Variants in RABGAP1L observed in about 807,000 individuals in gnomAD.
RABGAP1L encodes the protein rab GTPase-activating protein 1-like.
A neutral mutation model predicts 137.7 loss-of-function variants in RABGAP1L; 63 were observed. That is an observed-to-expected ratio of 0.46 (90% CI 0.37 to 0.56). RABGAP1L has a LOEUF of 0.56. Among genes scored for constraint, RABGAP1L ranks in the 20% least tolerant of loss-of-function variants. RABGAP1L has a pLI of 0.00. For missense variants in RABGAP1L, 1,095 were observed against 1,244.0 expected, an observed-to-expected ratio of 0.88 and a Z score of 1.80; for synonymous variants, 431 against 433.7, an observed-to-expected ratio of 0.99 and a Z score of 0.08.
intron 14 of RABGAP1L, among the ~76,000 whole-genome samples, chr1:174,658,006 G>T (rs1471969150): frequency 6.6e-6 from 1 of 152,142 alleles, no homozygotes; most frequent in Non-Finnish European, 1.5e-5. Context: ...TGGGAATAAG[G>T]CTTTGCATTT....
chr1:174,617,990 A>G (rs1341228991), intron 13 of RABGAP1L, among the ~76,000 whole-genome samples: 3 of 152,200 alleles, frequency 2.0e-5, no homozygotes, highest in African/African-American at 7.2e-5. Context: ...ACACCTTTAG[A>G]TTATAGCCCG....
At chr1:174,273,711 G>C (rs1674743707) in intron 8 of RABGAP1L, among the ~76,000 whole-genome samples, 1 of 152,042 alleles carries the variant, frequency 6.6e-6, no homozygotes. Context: ...TGGTCTTTCA[G>C]AGTTTAAAAG....
intron 11 of RABGAP1L, among the ~76,000 whole-genome samples, chr1:174,319,456 A>G (rs116492536): frequency 0.02 from 3,070 of 152,154 alleles, 110 homozygotes; most frequent in African/African-American, 0.071. Flanking sequence ...ATCTTTGGAA[A>G]TTTCTGCATA....
intron 22 of RABGAP1L, 34 bp from the exon 23 acceptor site, chr1:174,978,773 T>C: frequency 6.6e-7 from 1 of 1,511,126 alleles, no homozygotes; most frequent in Non-Finnish European, 8.8e-7. Context: ...AGATTTTGGC[T>C]AAATCCTGAT....
chr1:174,551,504 C>T (rs74946576), intron 13 of RABGAP1L, among the ~76,000 whole-genome samples: 3,381 of 151,920 alleles, frequency 0.022, 57 homozygotes, highest in Middle Eastern at 0.088. Flanking sequence ...GTAGTTAAAC[C>T]TCCCACATGT....
At chr1:174,497,002 T>C (rs1242628955) in intron 13 of RABGAP1L, among the ~76,000 whole-genome samples, 1 of 152,214 alleles carries the variant, frequency 6.6e-6, no homozygotes, top group East Asian at 1.9e-4. Context: ...GTATAAATTT[T>C]ATCACCCTTC....
chr1:174,613,047 T>C (rs12568542), intron 13 of RABGAP1L, among the ~76,000 whole-genome samples: 16,253 of 151,456 alleles, frequency 0.11, 983 homozygotes, highest in East Asian at 0.22. Flanking sequence ...TTTTTGTGTC[T>C]CTATTTCCTT....
rs567218632 is a variant in RABGAP1L at position 174,413,047 on chromosome 1, A to C, written c.1710+18902A>C. On this transcript the variant is annotated intron_variant, in intron 13 of 25. Coordinates refer to ENST00000681986, the MANE Select transcript of RABGAP1L (RefSeq NM_001366446.1). ...GAAGTTTTCTTGAATTATTCACTCAAATATGTTTTTCAGATTGTTTACTTT... is the reference window on the plus strand; with the variant it reads ...GAAGTTTTCTTGAATTATTCACTCACATATGTTTTTCAGATTGTTTACTTT... Among the ~76,000 whole-genome samples, 4 of 152,250 alleles carry C rather than the reference A, an allele frequency of 2.6e-5. No individual in the cohort carries two copies. In the South Asian group the frequency reaches 8.3e-4, roughly 32 times the overall value.
At chr1:174,743,335 A>C (rs929728570) in intron 17 of RABGAP1L, among the ~76,000 whole-genome samples, 1 of 152,156 alleles carries the variant, frequency 6.6e-6, no homozygotes, top group African/African-American at 2.4e-5. Context: ...GAGAGACCTG[A>C]AGGTCCTTTG....
At chr1:174,529,939 G>T (rs957639955) in intron 13 of RABGAP1L, among the ~76,000 whole-genome samples, 2 of 152,124 alleles carry the variant, frequency 1.3e-5, no homozygotes, top group African/African-American at 4.8e-5. Flanking sequence ...CTGACCCCCA[G>T]ACTCTGCTCT....
intron 13 of RABGAP1L, among the ~76,000 whole-genome samples, chr1:174,414,231 A>C (rs1022532283): frequency 1.3e-5 from 2 of 152,076 alleles, no homozygotes; most frequent in Non-Finnish European, 2.9e-5. Flanking sequence ...CAGATCTTCA[A>C]AAAATTTTCC....
intron 13 of RABGAP1L, among the ~76,000 whole-genome samples, chr1:174,454,787 C>G (rs150827729): frequency 6.6e-6 from 1 of 151,830 alleles, no homozygotes. Flanking sequence ...CTGACCTCCT[C>G]GTGTTCTACC....
intron 19 of RABGAP1L, among the ~76,000 whole-genome samples, chr1:174,909,990 T>C (rs188600694): frequency 1.3e-5 from 2 of 152,202 alleles, no homozygotes; most frequent in Admixed American, 6.5e-5. Flanking sequence ...ATACAAAATA[T>C]TAGCTGGGCA....
chr1:174,636,982 T>C (rs1275655445), intron 13 of RABGAP1L, among the ~76,000 whole-genome samples: 1 of 152,184 alleles, frequency 6.6e-6, no homozygotes, highest in Non-Finnish European at 1.5e-5. Flanking sequence ...AGATATACCT[T>C]ATTTTTAAAA....
chr1:174,669,005 C>A (rs1676984352), intron 14 of RABGAP1L, among the ~76,000 whole-genome samples: 1 of 152,062 alleles, frequency 6.6e-6, no homozygotes. Flanking sequence ...TTGTTAACCC[C>A]TCATCAGATG....
chr1:174,841,544 CAT>C (rs1164634864), intron 19 of RABGAP1L, among the ~76,000 whole-genome samples: 5 of 151,576 alleles, frequency 3.3e-5, no homozygotes, highest in African/African-American at 9.7e-5. Flanking sequence ...TATCAATAAA[CAT>C]AAAAAAGCAG....
At chr1:174,581,119 T>A (rs1668716216) in intron 13 of RABGAP1L, among the ~76,000 whole-genome samples, 1 of 152,204 alleles carries the variant, frequency 6.6e-6, no homozygotes, top group African/African-American at 2.4e-5. Flanking sequence ...TGACACTTCC[T>A]CAAAAGATTA....
intron 15 of RABGAP1L, among the ~76,000 whole-genome samples, chr1:174,688,080 G>T (rs537910020): frequency 6.6e-6 from 1 of 152,242 alleles, no homozygotes; most frequent in East Asian, 1.9e-4. Flanking sequence ...GTTGGAGAAT[G>T]TTATAGTACA....
At chr1:174,270,601 A>G (rs113570849) in intron 7 of RABGAP1L, among the ~76,000 whole-genome samples, 7 of 152,154 alleles carry the variant, frequency 4.6e-5, no homozygotes, top group African/African-American at 1.7e-4. Context: ...TATAAAAATA[A>G]AAATTAAAAA....
Sources: gnomAD v4.1 joint callset for allele counts (sites outside exome capture counted in the v4.1 genomes callset) on GRCh38, gnomAD v4.1.1 for gene constraint, MANE v1.5 for transcripts, NCBI Gene and HGNC (gene_info 2026-07-23, HGNC 2026-07-21) for gene names.